MUC5B: variants seen among roughly 807,000 people sequenced by gnomAD.
MUC5B encodes the protein mucin 5B, oligomeric mucus/gel-forming.
A neutral mutation model predicts 376.9 loss-of-function variants in MUC5B; 116 were observed. The ratio of observed to expected loss-of-function variants is 0.31; its 90% CI spans 0.26 to 0.36. The LOEUF is 0.36. Among genes scored for constraint, MUC5B ranks in the 10% least tolerant of loss-of-function variants. MUC5B has a pLI of 1.00. For missense variants in MUC5B, 7,165 were observed against 7,769.9 expected (o/e 0.92, Z 2.93); for synonymous variants, 3,517 against 3,390.9 (o/e 1.04, Z -1.29).
chr11:1,260,556 C>T (rs921812072), intron 47 of MUC5B, 70 bp from the exon 48 acceptor site: 32 of 1,493,134 alleles, frequency 2.1e-5, no homozygotes, highest in Middle Eastern at 1.7e-4. Flanking sequence ...TGGGGAGGGT[C>T]GGCCCAGCAA....
At position 1,243,104 on chromosome 11, in the gene MUC5B, T is replaced by C; in HGVS notation, c.6224T>C (p.Val2075Ala). 2.5e-6 allele frequency: 4 copies of C among 1,610,102 alleles called. No homozygotes were observed. Among genetic ancestry groups the C allele is most frequent in the South Asian group, 2.2e-5 (2 of 90,908 alleles). ...SSPGTALTPPVWISTTTTPTT... is the reference protein window; with the variant it reads ...SSPGTALTPPAWISTTTTPTT... ...CCAGGGACGGCACTCACGCCTCCAG[T>C]GTGGATCAGCACAACCACCACACCC... Residue 2075 changes from valine to alanine, a missense_variant, in exon 31 of 49, where the codon GTG becomes GCG. By Grantham distance (64) the Val-to-Ala change is moderately conservative (BLOSUM62 0). Coordinates refer to ENST00000529681, the MANE Select transcript of MUC5B (RefSeq NM_002458.3).
chr11:1,235,945 C>T (rs1434536706), intron 23 of MUC5B, among the ~76,000 whole-genome samples: 3 of 152,216 alleles, frequency 2.0e-5, no homozygotes, highest in Admixed American at 2.0e-4. Flanking sequence ...CCACGATTCA[C>T]CCTGCCACAC....
rs759389565 is a variant in MUC5B at position 1,244,842 on chromosome 11, G to T, written c.7962G>T (p.Gly2654=). Residue 2654 remains glycine (G), a synonymous_variant, in exon 31 of 49, where the codon GGG becomes GGT. Transcript: ENST00000529681. ...CGGTGACCCCCTCCTCCATCCCGGG[G>T]ACCACCCACACCCCCACAGTGCTGA... ...GSTVTPSSIP[G]TTHTPTVLTT... is the part of the protein sequence containing the mutation. 2 of 1,613,300 alleles carry T rather than the reference G, an allele frequency of 1.2e-6. No homozygotes were observed. Among genetic ancestry groups the T allele is most frequent in the East Asian group, 2.2e-5 (1 of 44,870 alleles).
chr11:1,239,170 A>G (rs1200967728), intron 26 of MUC5B, 143 bp downstream of exon 26: 1 of 1,099,020 alleles, frequency 9.1e-7, no homozygotes, highest in African/African-American at 1.5e-5. Flanking sequence ...TGAGTGCACA[A>G]GTTTCTATGC....
chr11:1,259,544 A>G (rs867430394), intron 44 of MUC5B: 4 of 598,572 alleles, frequency 6.7e-6, no homozygotes, highest in African/African-American at 5.6e-5. Flanking sequence ...GTCAGGTTCC[A>G]GGAAGGCAGG....
rs775907102 is a variant in MUC5B at position 1,250,813 on chromosome 11, A to G, written c.13933A>G (p.Thr4645Ala). The G allele has an allele frequency of 6.2e-7, 1 of 1,613,162 alleles. No homozygotes were observed. Residue 4645 changes from threonine (T) to alanine (A), a missense_variant, in exon 31 of 49, where the codon ACC becomes GCC. Thr to Ala is a moderately conservative substitution (Grantham distance 58). Coordinates refer to ENST00000529681, the MANE Select transcript of MUC5B (RefSeq NM_002458.3). ...STVTPSSIPG[T>A]THTARVLTTT... is the part of the protein sequence containing the mutation. ...GGTGACCCCCTCCTCCATCCCGGGGACCACCCACACCGCCAGAGTGCTGAC... is the reference window on the plus strand; with the variant it reads ...GGTGACCCCCTCCTCCATCCCGGGGGCCACCCACACCGCCAGAGTGCTGAC...
chr11:1,226,605 C>A lies in MUC5B; in HGVS notation c.200-10C>A. The A allele has an allele frequency of 6.2e-7, 1 of 1,605,022 alleles. No homozygotes were observed. The highest frequency in any genetic ancestry group is 8.5e-7 in the Non-Finnish European group (1 of 1,176,582). On this transcript the variant is annotated splice_polypyrimidine_tract_variant and intron_variant, in intron 3 of 48. Transcript: ENST00000529681. ...GCATGGGGATGGGCCTCATCCCGCG[C>A]TCCCCACAGCCCTGAACCCGGCGCA... is the stretch of plus-strand genomic sequence containing the variant.
rs1228727792 is a variant in MUC5B, at chr11:1,260,227, C to T, written c.16924-124C>T. The T allele has an allele frequency of 1.4e-5, 19 of 1,332,576 alleles. No homozygotes were observed. In the Admixed American group the frequency reaches 4.1e-4, roughly 28 times the overall value. 82.5% of individuals were successfully genotyped at this position (1,332,576 alleles called of 1,614,324 possible). A position where few individuals can be genotyped will look rare whatever the true frequency, so the allele number is the denominator to read the frequency against. On this transcript the variant is annotated intron_variant, in intron 46 of 48. Transcript: ENST00000529681. ...CCCTGCCTGGGAAGCCCCACCCCTG[C>T]CTGGGAGGCCCCGCCCCTGCCCGGG...
rs566354695 is a variant in MUC5B at position 1,256,781 on chromosome 11, G to A, written c.16237+10G>A. On this transcript the variant is annotated intron_variant, in intron 39 of 48. Coordinates refer to ENST00000529681, the MANE Select transcript of MUC5B (RefSeq NM_002458.3). Reference sequence around the variant, plus strand: ...TGCGTGCAGGCCTGCCGTAAGCTCCGCCACCTGTGGCGGGATACGACCCTG... The same window carrying A: ...TGCGTGCAGGCCTGCCGTAAGCTCCACCACCTGTGGCGGGATACGACCCTG... The A allele has an allele frequency of 1.6e-5, 25 of 1,517,630 alleles. No homozygotes were observed. Among genetic ancestry groups the A allele is most frequent in the South Asian group, 1.1e-4 (9 of 79,504 alleles). 94.0% of individuals were successfully genotyped at this position (1,517,630 alleles called of 1,614,324 possible). A position where few individuals can be genotyped will look rare whatever the true frequency, so the allele number is the denominator to read the frequency against.
At position 1,247,947 on chromosome 11, in the gene MUC5B, G is replaced by T; in HGVS notation, c.11067G>T (p.Thr3689=). ...STATPSSTPG[T]TWILTKLTTT... ...CCACGCCCTCCTCAACTCCGGGGAC[G>T]ACCTGGATCCTCACAAAGCTGACCA... Residue 3689 remains threonine (T), a synonymous_variant, in exon 31 of 49, where the codon ACG becomes ACT. Coordinates refer to ENST00000529681, the MANE Select transcript of MUC5B (RefSeq NM_002458.3). 1.9e-6 allele frequency: 3 copies of T among 1,610,988 alleles called. No homozygotes were observed. The highest frequency in any genetic ancestry group is 2.2e-5 in the South Asian group (2 of 91,016).
At position 1,250,134 on chromosome 11, in the gene MUC5B, C is replaced by G. The variant is rs536804708; in HGVS notation, c.13254C>G (p.Thr4418=). Residue 4418 remains threonine, a synonymous_variant, in exon 31 of 49, where the codon ACC becomes ACG. Coordinates refer to ENST00000529681, the MANE Select transcript of MUC5B (RefSeq NM_002458.3). ...TATPSSTPGT[T]WILTELTTTA... is the part of the protein sequence containing the mutation. Reference sequence around the variant, plus strand: ...CCCCGTCCTCCACCCCAGGGACCACCTGGATCCTCACAGAGCTGACCACAA... The same window carrying G: ...CCCCGTCCTCCACCCCAGGGACCACGTGGATCCTCACAGAGCTGACCACAA... 4.7e-5 allele frequency: 76 copies of G among 1,610,702 alleles called. No homozygotes were observed. Among genetic ancestry groups the G allele is most frequent in the Non-Finnish European group, 5.8e-5 (68 of 1,178,120 alleles).
chr11:1,246,640 C>A lies in MUC5B; in HGVS notation c.9760C>A (p.Gln3254Lys). Residue 3254 changes from glutamine to lysine, a missense_variant, in exon 31 of 49, where the codon CAG becomes AAG. Gln to Lys is a moderately conservative substitution (Grantham distance 53, BLOSUM62 1). Transcript: ENST00000529681. ...SLGTAWTRLSQTTTPTATMST... is the reference protein window; with the variant it reads ...SLGTAWTRLSKTTTPTATMST... ...GGGCACCGCCTGGACCCGCCTATCA[C>A]AGACCACCACACCCACGGCCACCAT... 6.2e-7 allele frequency: 1 copy of A among 1,612,808 alleles called. No individual in the cohort carries two copies. Among genetic ancestry groups the A allele is most frequent in the Non-Finnish European group, 8.5e-7 (1 of 1,179,290 alleles).
rs764719298 is a variant in MUC5B at position 1,250,039 on chromosome 11, G to T, written c.13159G>T (p.Gly4387Trp). The change falls in exon 31 of 49, where the codon GGG (glycine) becomes TGG (tryptophan). Residue 4387 changes from glycine (G) to tryptophan (W), a missense_variant. This residue lies in a region of MUC5B where 431 missense variants were observed against 390.4 expected (regional missense o/e 1.10). Coordinates refer to ENST00000529681, the MANE Select transcript of MUC5B (RefSeq NM_002458.3). The part of the protein sequence containing the change: ...SSTSTPSSTP[G>W]TTWILTELTT... ...CACGTCCACCCCCTCCTCCACTCCG[G>T]GGACGACCTGGATCCTCACAGAGCT... 2 of 1,611,346 alleles carry T rather than the reference G, an allele frequency of 1.2e-6. No homozygotes were observed. The highest frequency in any genetic ancestry group is 1.7e-6 in the Non-Finnish European group (2 of 1,178,458).
Position 1,258,132 on chromosome 11 carries a change from C to T in MUC5B, c.16484C>T (p.Pro5495Leu). The T allele has an allele frequency of 6.3e-7, 1 of 1,597,832 alleles. No homozygotes were observed. Among genetic ancestry groups the T allele is most frequent in the Non-Finnish European group, 8.5e-7 (1 of 1,174,382 alleles). Residue 5495 changes from proline to leucine, a missense_variant, in exon 42 of 49, where the codon CCT becomes CTT. By Grantham distance (98) the Pro-to-Leu change is moderately conservative (BLOSUM62 -3). Around this residue, in one of 31 missense-constraint regions of MUC5B, gnomAD observed 842 missense variants for 1,016.9 expected, o/e 0.83. Coordinates refer to ENST00000529681, the MANE Select transcript of MUC5B (RefSeq NM_002458.3). This position sits in a 1 kb window ranked among gnomAD's most constrained non-coding sequence, Gnocchi z 5.5. ...ACAACCACCTGCCCCCAGAGCCTGC[C>T]TGTGTGCCCGCCAGGGCAGGAGTCC... The part of the protein sequence containing the change: ...CNTTTCPQSL[P>L]VCPPGQESIC...
chr11:1,236,538 C>T lies in MUC5B; in HGVS notation c.3033C>T (p.Phe1011=). The change falls in exon 24 of 49, where the codon TTC becomes TTT. Residue 1011 remains phenylalanine, a synonymous_variant. Transcript: ENST00000529681. ...AVSWDRKTSV[F]IRLHQDYKGR... ...CCTGGGACCGGAAGACCAGCGTGTT[C>T]ATCCGACTGCACCAGGACTACAAGG... 6.2e-7 allele frequency: 1 copy of T among 1,612,906 alleles called. No individual in the cohort carries two copies. The highest frequency in any genetic ancestry group is 8.5e-7 in the Non-Finnish European group (1 of 1,179,810).
intron 47 of MUC5B, 54 bp downstream of exon 47, chr11:1,260,447 C>T (rs779621110): frequency 8.8e-6 from 14 of 1,592,944 alleles, no homozygotes; most frequent in Non-Finnish European, 1.1e-5. Flanking sequence ...CCGTCGCCAC[C>T]CATCCATTCC....
Position 1,254,089 on chromosome 11 carries a change from C to T in MUC5B, c.15218-3C>T. Reference sequence around the variant, plus strand: ...TGCCAGCCCGTCCATCTCTGTCCCGCAGGCATCTGCAGCATGTGGGGCGGC... The same window carrying T: ...TGCCAGCCCGTCCATCTCTGTCCCGTAGGCATCTGCAGCATGTGGGGCGGC... On this transcript the variant is annotated splice_region_variant and splice_polypyrimidine_tract_variant and intron_variant, in intron 33 of 48. Coordinates refer to ENST00000529681, the MANE Select transcript of MUC5B (RefSeq NM_002458.3). 6.2e-7 allele frequency: 1 copy of T among 1,610,968 alleles called. No homozygotes were observed. The highest frequency in any genetic ancestry group is 8.5e-7 in the Non-Finnish European group (1 of 1,179,564).
intron 32 of MUC5B, 93 bp from the exon 33 acceptor site, chr11:1,252,716 C>T: frequency 6.8e-7 from 1 of 1,476,848 alleles, no homozygotes; most frequent in Middle Eastern, 2.4e-4. Flanking sequence ...GCTCTTGTGG[C>T]CACCCGGGGC....
Position 1,239,536 on chromosome 11 carries a change from C to A in MUC5B, c.3553C>A (p.His1185Asn). The A allele has an allele frequency of 6.3e-7, 1 of 1,596,134 alleles. No individual in the cohort carries two copies. Among genetic ancestry groups the A allele is most frequent in the Non-Finnish European group, 8.6e-7 (1 of 1,168,008 alleles). Residue 1185 changes from histidine to asparagine, a missense_variant, in exon 27 of 49, where the codon CAC becomes AAC. By Grantham distance (68) the His-to-Asn change is moderately conservative. Transcript: ENST00000529681. Reference protein sequence around the residue: ...CLKTCRNPSGHCLVDLPGLEG... With the variant: ...CLKTCRNPSGNCLVDLPGLEG... ...AAAAACCTGCCGGAACCCCAGTGGG[C>A]ACTGCCTGGTGGACCTGCCTGGCCT...
Sources: allele counts gnomAD v4.1 joint callset (sites outside exome capture counted in the v4.1 genomes callset), GRCh38; gene constraint gnomAD v4.1.1; regional missense constraint gnomAD v4.1.1; non-coding constraint Gnocchi (gnomAD v3.1); transcripts MANE v1.5; gene names NCBI Gene and HGNC (gene_info 2026-07-23, HGNC 2026-07-21).